Variants in ANKFY1 observed in about 807,000 individuals in gnomAD.
ANKFY1 encodes ankyrin repeat and FYVE domain containing 1.
Under a neutral mutation model 128.3 loss-of-function variants are expected in ANKFY1, and 47 were observed. The observed-to-expected ratio is 0.37, with a 90% CI of 0.29 to 0.47. The LOEUF (loss-of-function observed/expected upper bound fraction) is 0.47, where lower values mean the gene tolerates loss of function less well. Ranked by LOEUF, ANKFY1 falls within the 20% of genes least tolerant of loss-of-function variation. The pLI is 1.00. For synonymous variants in ANKFY1, 553 were observed against 601.6 expected (o/e 0.92, Z 1.18); for missense variants, 1,222 against 1,510.6 (o/e 0.81, Z 3.17).
At chr17:4,195,564 C>T (rs2059803153) in intron 8 of ANKFY1, 93 bp from the exon 9 acceptor site, 1 of 931,018 alleles carries the variant, frequency 1.1e-6, no homozygotes, top group Non-Finnish European at 1.7e-6. Context: ...GCAGAATCAC[C>T]ACCCGCAAGA....
At chr17:4,172,431 G>A (rs1445568016) in intron 22 of ANKFY1, 125 bp downstream of exon 22, 44 of 1,346,866 alleles carry the variant, frequency 3.3e-5, no homozygotes, top group Non-Finnish European at 4.2e-5. Context: ...CTCACACCCG[G>A]AGGGCCCAAC....
At position 4,197,459 on chromosome 17, in the gene ANKFY1, T is replaced by C; in HGVS notation, c.1017A>G (p.Ser339=). 3 of 1,614,226 alleles carry C rather than the reference T, an allele frequency of 1.9e-6. No individual in the cohort carries two copies. Among genetic ancestry groups the C allele is most frequent in the Non-Finnish European group, 2.5e-6 (3 of 1,180,046 alleles). The part of the protein sequence containing the change: ...LVALYSSKKH[S]ADVMSEMAQI... ...GCGCCATCTCAGACATCACATCTGC[T>C]GAGTGTTTCTTTGAACTGTACAAGG... Residue 339 remains serine (S), a synonymous_variant, in exon 8 of 25, where the codon TCA becomes TCG. Transcript: ENST00000341657.
At chr17:4,212,710 G>A (rs1313541981) in intron 4 of ANKFY1, among the ~76,000 whole-genome samples, 2 of 152,046 alleles carry the variant, frequency 1.3e-5, no homozygotes, top group Non-Finnish European at 2.9e-5. Flanking sequence ...CATGGGAATG[G>A]GTGATGGCAG....
chr17:4,242,270 C>T lies in ANKFY1; in HGVS notation c.189G>A (p.Glu63=), dbSNP rs751992122. 1.3e-6 allele frequency: 2 copies of T among 1,583,762 alleles called. No homozygotes were observed. The highest frequency in any genetic ancestry group is 3.8e-5 in the Admixed American group (2 of 52,878). Residue 63 remains glutamate (E), a synonymous_variant, in exon 2 of 25, where the codon GAG becomes GAA. Coordinates refer to ENST00000341657, the MANE Select transcript of ANKFY1 (RefSeq NM_001330063.2). ...AGCTCTCCCACCTGTACTGCTCCTGCTCGTAGAGGTCTGCCACGATGGCCA... is the reference window on the plus strand; with the variant it reads ...AGCTCTCCCACCTGTACTGCTCCTGTTCGTAGAGGTCTGCCACGATGGCCA... The part of the protein sequence containing the change: ...RLLAIVADLY[E]QEQYSDLKIK...
rs570880275 is a variant in ANKFY1, at chr17:4,167,768, C to T, written c.*11G>A. On this transcript the variant is annotated 3_prime_UTR_variant, in exon 25 of 25. Transcript: ENST00000341657. The surrounding 1 kb of genome is among the most constrained non-coding windows in gnomAD (Gnocchi z 4.1). ...GACCAAGGACGTGGCCTGGACCCTC[C>T]GGGGGGCTCACTAAGAAACCCCACC... 1.9e-5 allele frequency: 31 copies of T among 1,611,080 alleles called. No individual in the cohort carries two copies. Among genetic ancestry groups the T allele is most frequent in the Admixed American group, 1.2e-4 (7 of 59,804 alleles).
rs10677242 is a variant in ANKFY1 at position 4,235,340 on chromosome 17, C to CAAAA, written c.322+428_322+431dup. ...TGGGTAACAGAGTGAGACTCTGTCT[C>CAAAA]AAAAAAAAAAAAAAAGAAAAAAAAA... On this transcript the variant is annotated intron_variant, in intron 3 of 24. Transcript: ENST00000341657. 7.6e-4 allele frequency among the ~76,000 whole-genome samples: 89 copies of CAAAA among 116,608 alleles called. 2 individuals carry two copies. The highest frequency in any genetic ancestry group is 1.9e-3 in the African/African-American group (59 of 30,330). 76.5% of individuals were successfully genotyped at this position (116,608 alleles called of 152,430 possible).
chr17:4,189,691 G>GACAGTAGGCCCACA (rs1567925715), intron 10 of ANKFY1, among the ~76,000 whole-genome samples: 43 of 130,386 alleles, frequency 3.3e-4, no homozygotes, highest in South Asian at 4.6e-4. Context: ...GTAGGCCCAC[G>GACAGTAGGCCCACA]CCAGACAGTA....
chr17:4,235,432 A>G (rs1369844470), intron 3 of ANKFY1, among the ~76,000 whole-genome samples: 1 of 152,012 alleles, frequency 6.6e-6, no homozygotes, highest in African/African-American at 2.4e-5. Context: ...GACTTGAGGG[A>G]AAATTTTTTT....
chr17:4,195,521 A>G, intron 8 of ANKFY1, 50 bp from the exon 9 acceptor site: 1 of 1,471,966 alleles, frequency 6.8e-7, no homozygotes, highest in African/African-American at 1.4e-5. Context: ...CCTGTTCAGG[A>G]TGACTCACGG....
At chr17:4,211,143 C>G (rs1213600401) in intron 4 of ANKFY1, among the ~76,000 whole-genome samples, 2 of 152,066 alleles carry the variant, frequency 1.3e-5, no homozygotes, top group Non-Finnish European at 2.9e-5. Context: ...GTGGCTCACA[C>G]CTATAATCCT....
chr17:4,195,570 C>G lies in ANKFY1; in HGVS notation c.1104-99G>C, dbSNP rs1377277045. ...GAATCCCAGGCAGAATCACCACCCGCAAGAAATCCCACATTTCTACAAGGC... is the reference window on the plus strand; with the variant it reads ...GAATCCCAGGCAGAATCACCACCCGGAAGAAATCCCACATTTCTACAAGGC... On this transcript the variant is annotated intron_variant, in intron 8 of 24. Coordinates refer to ENST00000341657, the MANE Select transcript of ANKFY1 (RefSeq NM_001330063.2). The G allele has an allele frequency of 5.9e-6, 5 of 849,268 alleles. No individual in the cohort carries two copies. The East Asian group carries it at 1.2e-4, about 21-fold the overall frequency. The allele number at this position is 849,268 out of a possible 1,614,324, so 52.6% of individuals were successfully genotyped here.
chr17:4,195,278 A>AC (rs1555627937), intron 9 of ANKFY1, 101 bp from the exon 10 acceptor site: 31 of 1,011,932 alleles, frequency 3.1e-5, no homozygotes, highest in Non-Finnish European at 4.0e-5. Context: ...TCAATGACAC[A>AC]TTTTTTTTTA....
At chr17:4,238,448 A>C (rs1269632371) in intron 2 of ANKFY1, among the ~76,000 whole-genome samples, 3 of 151,880 alleles carry the variant, frequency 2.0e-5, no homozygotes, top group Non-Finnish European at 4.4e-5. Context: ...ATAGAGTTTC[A>C]ATCTTCTTTA....
chr17:4,195,213 T>C, intron 9 of ANKFY1, 36 bp from the exon 10 acceptor site: 1 of 1,563,562 alleles, frequency 6.4e-7, no homozygotes, highest in South Asian at 1.2e-5. Context: ...GCACATACAA[T>C]CTTTTTGAGA....
intron 19 of ANKFY1, among the ~76,000 whole-genome samples, chr17:4,176,924 C>G (rs2059420192): frequency 6.6e-6 from 1 of 152,234 alleles, no homozygotes; most frequent in Non-Finnish European, 1.5e-5. Context: ...CCCCATCTAG[C>G]ATCTGGCAGC....
intron 1 of ANKFY1, among the ~76,000 whole-genome samples, chr17:4,256,970 C>G (rs1361694365): frequency 6.6e-6 from 1 of 152,180 alleles, no homozygotes; most frequent in Non-Finnish European, 1.5e-5. Context: ...ATTTCCACCC[C>G]AAACTCCTGA....
chr17:4,249,023 C>A, intron 1 of ANKFY1: 2 of 562,298 alleles, frequency 3.6e-6, no homozygotes, highest in Non-Finnish European at 2.3e-6. Flanking sequence ...AATCTTCATT[C>A]ATTACAAATA....
Position 4,178,812 on chromosome 17 carries a change from C to A in ANKFY1, c.2598+45G>T, listed in dbSNP as rs773387456. On this transcript the variant is annotated intron_variant, in intron 18 of 24. Transcript: ENST00000341657. The surrounding 1 kb of genome is among the most constrained non-coding windows in gnomAD (Gnocchi z 4.1). ...ACATCTGTCTAGTCTCCAGGTTCCG[C>A]GACGCCCAGGACCATGTGGAGAAGG... 2 of 1,586,452 alleles carry A rather than the reference C, an allele frequency of 1.3e-6. No individual in the cohort carries two copies. The highest frequency in any genetic ancestry group is 1.7e-6 in the Non-Finnish European group (2 of 1,157,158).
intron 3 of ANKFY1, chr17:4,222,151 C>G (rs1452912641): frequency 6.7e-6 from 1 of 148,156 alleles, no homozygotes; most frequent in Non-Finnish European, 1.5e-5. Context: ...TGGGGTGCCC[C>G]GCGGCCAGAA....
Sources: allele counts gnomAD v4.1 joint callset (sites outside exome capture counted in the v4.1 genomes callset), GRCh38; gene constraint gnomAD v4.1.1; non-coding constraint Gnocchi (gnomAD v3.1); transcripts MANE v1.5; gene names NCBI Gene and HGNC (gene_info 2026-07-23, HGNC 2026-07-21).